Variants in WFS1 observed in about 807,000 individuals in gnomAD.
WFS1 encodes the protein wolframin.
Under a neutral mutation model 68.5 loss-of-function variants are expected in WFS1, and 90 were observed. The ratio of observed to expected loss-of-function variants is 1.31; its 90% CI spans 1.11 to 1.56. The LOEUF is 1.56. WFS1 is among the 40% of genes most tolerant of loss of function. The probability of loss-of-function intolerance (pLI) is 0.00; values close to 1 mark genes in which losing one functional copy is unlikely to be tolerated. For synonymous variants in WFS1, 860 were observed against 540.7 expected (o/e 1.59, Z -8.19); for missense variants, 1,767 against 1,232.6 (o/e 1.43, Z -6.49).
chr4:6,301,290 C>G lies in WFS1; in HGVS notation c.1495C>G (p.Leu499Val), dbSNP rs114152068. ...ITVPVGHLVVLNVSVPCLLYV... is the reference protein window; with the variant it reads ...ITVPVGHLVVVNVSVPCLLYV... ...CGTGCCTGTCGGCCACCTGGTCGTCCTCAACGTCAGCGTCCCGTGCCTGCT... is the reference window on the plus strand; with the variant it reads ...CGTGCCTGTCGGCCACCTGGTCGTCGTCAACGTCAGCGTCCCGTGCCTGCT... The change falls in exon 8 of 8, where the codon CTC (leucine) becomes GTC (valine). Residue 499 changes from leucine to valine, a missense_variant. Physicochemically the swap from Leu to Val is conservative, Grantham distance 32. Coordinates refer to ENST00000226760, the MANE Select transcript of WFS1 (RefSeq NM_006005.3). 6.2e-7 allele frequency: 1 copy of G among 1,611,560 alleles called. No homozygotes were observed. The highest frequency in any genetic ancestry group is 8.5e-7 in the Non-Finnish European group (1 of 1,180,012).
chr4:6,294,068 T>A (rs2109118819), intron 6 of WFS1, among the ~76,000 whole-genome samples: 1 of 152,282 alleles, frequency 6.6e-6, no homozygotes, highest in South Asian at 2.1e-4. Flanking sequence ...ACACAGCTGA[T>A]CCATTAGGAG....
At chr4:6,300,503 G>GA (rs1730839061) in intron 7 of WFS1, among the ~76,000 whole-genome samples, 154 bp from the exon 8 acceptor site, 1 of 152,094 alleles carries the variant, frequency 6.6e-6, no homozygotes, top group Non-Finnish European at 1.5e-5. Flanking sequence ...CTGGAGAAGG[G>GA]GGGAGGGAGG....
At chr4:6,276,524 C>T (rs4558932) in intron 1 of WFS1, among the ~76,000 whole-genome samples, 121,759 of 152,134 alleles carry the variant, frequency 0.8, 48,929 homozygotes, top group East Asian at 0.94. Context: ...GACTTCGGTG[C>T]TGTGGCTTGG....
rs114226259 is a variant in WFS1, at chr4:6,293,143, A to G, written c.712+1146A>G. 2.4e-3 allele frequency among the ~76,000 whole-genome samples: 361 copies of G among 152,160 alleles called. 3 individuals carry two copies. Among genetic ancestry groups the G allele is most frequent in the African/African-American group, 7.3e-3 (304 of 41,422 alleles). ...GTCCTGAAGTGAGGTGCCTCTGGGC[A>G]GGAGCAGCCCAGCCTGGGTCTCCAT... On this transcript the variant is annotated intron_variant, in intron 6 of 7. Transcript: ENST00000226760.
chr4:6,299,927 TGTGTGAATGC>T (rs1206933567), intron 7 of WFS1, among the ~76,000 whole-genome samples: 2 of 132,058 alleles, frequency 1.5e-5, no homozygotes, highest in Non-Finnish European at 1.6e-5. Context: ...GGGGTGGGTT[TGTGTGAATGC>T]GTGTGTGTAG....
intron 7 of WFS1, among the ~76,000 whole-genome samples, chr4:6,299,278 C>T (rs1730755445): frequency 6.6e-6 from 1 of 152,242 alleles, no homozygotes; most frequent in South Asian, 2.1e-4. Context: ...CCTCCCTCAG[C>T]CCTCTGCTCC....
chr4:6,293,280 G>T (rs1730520485), intron 6 of WFS1, among the ~76,000 whole-genome samples: 1 of 152,174 alleles, frequency 6.6e-6, no homozygotes, highest in Non-Finnish European at 1.5e-5. Flanking sequence ...GTTGCTGGGG[G>T]CGAGTTAGGA....
intron 2 of WFS1, among the ~76,000 whole-genome samples, chr4:6,285,226 C>T (rs1473949803): frequency 6.6e-6 from 1 of 150,708 alleles, no homozygotes; most frequent in Non-Finnish European, 1.5e-5. Flanking sequence ...GAGGGGCATT[C>T]AGGGAGAGGG....
chr4:6,272,255 A>G (rs1450803768), intron 1 of WFS1, among the ~76,000 whole-genome samples: 1 of 152,200 alleles, frequency 6.6e-6, no homozygotes, highest in Non-Finnish European at 1.5e-5. Flanking sequence ...TTGGCACAAG[A>G]TGGACCTACC....
At chr4:6,295,392 C>T (rs1032294219) in intron 7 of WFS1, among the ~76,000 whole-genome samples, 4 of 152,140 alleles carry the variant, frequency 2.6e-5, no homozygotes, top group Non-Finnish European at 5.9e-5. Flanking sequence ...TTTTCTGCGC[C>T]GTCAGGCTCA....
In WFS1 at chr4:6,301,529, C is replaced by T. The variant is rs964981863; in HGVS notation, c.1734C>T (p.Ala578=). Residue 578 remains alanine, a synonymous_variant, in exon 8 of 8, where the codon GCC becomes GCT. Transcript: ENST00000226760. The stretch of plus-strand genomic sequence containing the variant: ...TCCCCATCCTGGTGGCCGGCCTGGC[C>T]CTGGTGGGCGTGCTGCAGTTCGCCC... ...FALPILVAGL[A]LVGVLQFARW... 28 of 1,613,826 alleles carry T rather than the reference C, an allele frequency of 1.7e-5. No individual in the cohort carries two copies. In the African/African-American group the frequency reaches 3.2e-4, roughly 18 times the overall value.
rs185187460 is a variant in WFS1 at position 6,284,128 on chromosome 4, T to A, written c.233-2965T>A. 2.0e-3 allele frequency among the ~76,000 whole-genome samples: 311 copies of A among 152,206 alleles called. 2 individuals are homozygous for A. The highest frequency in any genetic ancestry group is 7.2e-3 in the African/African-American group (297 of 41,522). ...GCTCAGACCTGTAATCCCAGCACTT[T>A]GGGAGGCTGAGGCAGCAGATCACCT... On this transcript the variant is annotated intron_variant, in intron 2 of 7. Coordinates refer to ENST00000226760, the MANE Select transcript of WFS1 (RefSeq NM_006005.3).
intron 1 of WFS1, among the ~76,000 whole-genome samples, chr4:6,273,507 C>G (rs1235362506): frequency 6.6e-6 from 1 of 152,124 alleles, no homozygotes; most frequent in Non-Finnish European, 1.5e-5. Flanking sequence ...GAGGGACTTG[C>G]TAAGGTCCCA....
chr4:6,300,755 C>T lies in WFS1; in HGVS notation c.960C>T (p.Pro320=), dbSNP rs369588045. Residue 320 remains proline, a synonymous_variant, in exon 8 of 8, where the codon CCC becomes CCT. Transcript: ENST00000226760. ...AGMHWLSTII[P]THHINALIFF... is the part of the protein sequence containing the mutation. ...TGCACTGGCTGTCCACCATCATCCC[C>T]ACGCACCACATCAACGCGCTCATCT... 1.9e-6 allele frequency: 3 copies of T among 1,614,096 alleles called. No individual in the cohort carries two copies. The highest frequency in any genetic ancestry group is 2.2e-5 in the East Asian group (1 of 44,872).
intron 1 of WFS1, among the ~76,000 whole-genome samples, chr4:6,271,746 T>C (rs902151178): frequency 6.6e-6 from 1 of 152,138 alleles, no homozygotes; most frequent in African/African-American, 2.4e-5. Flanking sequence ...CCCAGGCTCC[T>C]CCCTGGTCCC....
At chr4:6,292,622 G>A (rs1730498021) in intron 6 of WFS1, among the ~76,000 whole-genome samples, 1 of 152,118 alleles carries the variant, frequency 6.6e-6, no homozygotes, top group African/African-American at 2.4e-5. Flanking sequence ...ATCCACGTGG[G>A]GTAGACTCTG....
intron 2 of WFS1, among the ~76,000 whole-genome samples, chr4:6,286,586 A>G (rs1730313433): frequency 6.6e-6 from 1 of 152,266 alleles, no homozygotes; most frequent in African/African-American, 2.4e-5. Context: ...GGTAATATCA[A>G]GATGTATATA....
intron 1 of WFS1, among the ~76,000 whole-genome samples, chr4:6,274,811 C>G (rs371475276): frequency 7.6e-5 from 8 of 105,504 alleles, no homozygotes; most frequent in Admixed American, 3.3e-4. Context: ...GAATGGGCCC[C>G]GGGAGAGAGG....
In WFS1 at chr4:6,300,653, C is replaced by T. The variant is rs1217194872; in HGVS notation, c.862-4C>T. The T allele has an allele frequency of 4.3e-6, 7 of 1,613,920 alleles. No individual in the cohort carries two copies. The highest frequency in any genetic ancestry group is 1.3e-5 in the African/African-American group (1 of 74,996). On this transcript the variant is annotated splice_polypyrimidine_tract_variant and splice_region_variant and intron_variant, in intron 7 of 7. Transcript: ENST00000226760. ...CTCGTTCCCACGTACCATCTTTCCC[C>T]CAGGTGGTCAAGTACCCCCTGCACG...
Sources: allele counts gnomAD v4.1 joint callset (sites outside exome capture counted in the v4.1 genomes callset), GRCh38; gene constraint gnomAD v4.1.1; transcripts MANE v1.5; gene names NCBI Gene and HGNC (gene_info 2026-07-23, HGNC 2026-07-21).